The following FHIT variants were observed in gnomAD, a reference collection of about 807,000 sequenced individuals.
FHIT encodes fragile histidine triad diadenosine triphosphatase.
In FHIT, 19 loss-of-function variants were observed where a neutral mutation model predicts 17.9. The ratio of observed to expected loss-of-function variants is 1.06; its 90% CI spans 0.74 to 1.56. The LOEUF is 1.56. Ranked by LOEUF, FHIT falls within the 40% of genes most tolerant of loss-of-function variation. FHIT has a pLI of 0.00. For synonymous variants in FHIT, 81 were observed against 69.7 expected, an observed-to-expected ratio of 1.16 and a Z score of -0.81; for missense variants, 248 against 189.2, an observed-to-expected ratio of 1.31 and a Z score of -1.82.
rs117183315 is a variant in FHIT at position 61,000,622 on chromosome 3, T to C, written c.-111+41425A>G. On this transcript the variant is annotated intron_variant, in intron 3 of 9. Transcript: ENST00000492590. The stretch of plus-strand genomic sequence containing the variant: ...TATTCAACGGGAAGTGATAAAGAAC[T>C]CTAAAACCTGGAAAAAAAAGGAGAT... 1.6e-3 allele frequency among the ~76,000 whole-genome samples: 240 copies of C among 152,216 alleles called. 2 individuals are homozygous for C. The East Asian group carries it at 0.02, about 13-fold the overall frequency.
At chr3:60,127,584 A>C (rs1349678196) in intron 5 of FHIT, among the ~76,000 whole-genome samples, 1 of 152,136 alleles carries the variant, frequency 6.6e-6, no homozygotes, top group East Asian at 1.9e-4. Flanking sequence ...TGCTTAAATA[A>C]GAACATTTTA....
At chr3:59,749,978 G>A (rs1178616904) in intron 9 of FHIT, 1 of 224,206 alleles carries the variant, frequency 4.5e-6, no homozygotes, top group Non-Finnish European at 8.9e-6. Flanking sequence ...TGATTTGTTT[G>A]GTCTGTGCAC....
intron 5 of FHIT, among the ~76,000 whole-genome samples, chr3:60,115,580 G>C (rs1168664901): frequency 6.6e-6 from 1 of 152,070 alleles, no homozygotes; most frequent in Non-Finnish European, 1.5e-5. Flanking sequence ...TAGCGTTCTG[G>C]CAACTTATGC....
intron 4 of FHIT, among the ~76,000 whole-genome samples, chr3:60,627,150 T>C (rs1235267251): frequency 2.0e-5 from 3 of 152,138 alleles, no homozygotes; most frequent in Non-Finnish European, 4.4e-5. Flanking sequence ...TTTCCTTGCA[T>C]TGTGATGTCT....
At chr3:60,053,762 T>G (rs3845974) in intron 5 of FHIT, among the ~76,000 whole-genome samples, 1 of 151,972 alleles carries the variant, frequency 6.6e-6, no homozygotes, top group African/African-American at 2.4e-5. Flanking sequence ...CCTCTCCATT[T>G]CTTACTACTT....
At chr3:59,903,660 TA>T (rs1704441483) in intron 8 of FHIT, among the ~76,000 whole-genome samples, 1 of 151,682 alleles carries the variant, frequency 6.6e-6, no homozygotes, top group Non-Finnish European at 1.5e-5. Context: ...TAGCCTGGAG[TA>T]GTTAGAAAAG....
intron 7 of FHIT, among the ~76,000 whole-genome samples, chr3:59,971,143 G>A (rs772931099): frequency 6.6e-6 from 1 of 152,062 alleles, no homozygotes; most frequent in Non-Finnish European, 1.5e-5. Context: ...CTCTCAGAAT[G>A]ATTCTGTGGC....
Position 61,242,099 on chromosome 3 carries a change from TATAAGGGTTTA to T in FHIT, c.-213+9191_-213+9201del, listed in dbSNP as rs1560105912. On this transcript the variant is annotated intron_variant, in intron 1 of 9. Transcript: ENST00000492590. Reference sequence around the variant, plus strand: ...ACCAAGAATGTTCCTGGACCGTTGATATAAGGGTTTAAATATAAATATAAATACTCAAATAT... The same window carrying T: ...ACCAAGAATGTTCCTGGACCGTTGATAATATAAATATAAATACTCAAATAT... Among the ~76,000 whole-genome samples, 7 of 152,284 alleles carry T rather than the reference TATAAGGGTTTA, an allele frequency of 4.6e-5. No homozygotes were observed. In the East Asian group the frequency reaches 1.4e-3, roughly 29 times the overall value.
intron 5 of FHIT, among the ~76,000 whole-genome samples, chr3:60,155,495 C>T (rs1300253473): frequency 1.3e-5 from 2 of 152,182 alleles, no homozygotes; most frequent in East Asian, 3.9e-4. Flanking sequence ...CCAATTCTGA[C>T]AATAACACTG....
chr3:60,593,091 A>G (rs1307799993), intron 4 of FHIT, among the ~76,000 whole-genome samples: 1 of 152,098 alleles, frequency 6.6e-6, no homozygotes, highest in Non-Finnish European at 1.5e-5. Context: ...ATCTAGGGGG[A>G]AAATGTGGGC....
intron 5 of FHIT, among the ~76,000 whole-genome samples, chr3:60,170,407 C>G (rs1321441881): frequency 6.6e-6 from 1 of 152,180 alleles, no homozygotes; most frequent in Non-Finnish European, 1.5e-5. Context: ...CTCCTGTTGG[C>G]TGAAGTTACT....
chr3:59,965,013 G>A (rs1707856699), intron 7 of FHIT, among the ~76,000 whole-genome samples: 1 of 152,040 alleles, frequency 6.6e-6, no homozygotes, highest in African/African-American at 2.4e-5. Flanking sequence ...GGAAAATCAT[G>A]TTCATAGGAA....
At chr3:60,104,951 T>TTAC (rs1258508833) in intron 5 of FHIT, among the ~76,000 whole-genome samples, 2 of 152,134 alleles carry the variant, frequency 1.3e-5, no homozygotes, top group Non-Finnish European at 2.9e-5. Context: ...CTTGAAGCTC[T>TTAC]TACTGTCTTT....
At chr3:60,558,932 T>TA (rs1460034971) in intron 4 of FHIT, among the ~76,000 whole-genome samples, 9 of 152,302 alleles carry the variant, frequency 5.9e-5, no homozygotes, top group African/African-American at 2.2e-4. Flanking sequence ...GATGTGATAA[T>TA]ACGTGTATCT....
chr3:60,208,701 T>C (rs1345648149), intron 5 of FHIT, among the ~76,000 whole-genome samples: 1 of 152,222 alleles, frequency 6.6e-6, no homozygotes, highest in Admixed American at 6.5e-5. Flanking sequence ...AGTATAATTC[T>C]GTGTTTGCAG....
At position 60,299,822 on chromosome 3, in the gene FHIT, T is replaced by C. The variant is rs202108890; in HGVS notation, c.103+237038A>G. 7.2e-5 allele frequency among the ~76,000 whole-genome samples: 11 copies of C among 152,226 alleles called. No homozygotes were observed. In the East Asian group the frequency reaches 1.2e-3, roughly 16 times the overall value. The stretch of plus-strand genomic sequence containing the variant: ...GTAGTTTTGGCTCCCACTTGGCCTT[T>C]GCTGTTGGAGGTAGGAGTAGGTAGG... On this transcript the variant is annotated intron_variant, in intron 5 of 9. Transcript: ENST00000492590.
At chr3:60,728,704 T>TACACACACAC (rs56012549) in intron 4 of FHIT, among the ~76,000 whole-genome samples, 96 of 147,400 alleles carry the variant, frequency 6.5e-4, no homozygotes, top group African/African-American at 2.3e-3. Flanking sequence ...CACACACACA[T>TACACACACAC]ACACACACAC....
rs115004637 is a variant in FHIT at position 60,019,105 on chromosome 3, G to A, written c.104-4953C>T. On this transcript the variant is annotated intron_variant, in intron 5 of 9. Transcript: ENST00000492590. Reference sequence around the variant, plus strand: ...ACTGCTTTCAGATGGAAGGTAGGCTGGAGTCTGGGCTCAGCTGCATCCACT... The same window carrying A: ...ACTGCTTTCAGATGGAAGGTAGGCTAGAGTCTGGGCTCAGCTGCATCCACT... Among the ~76,000 whole-genome samples the A allele has an allele frequency of 7.1e-3, 1,085 of 152,286 alleles. 14 individuals are homozygous for A. The highest frequency in any genetic ancestry group is 0.024 in the African/African-American group (1,011 of 41,550).
At chr3:60,777,119 CT>C (rs1344013765) in intron 4 of FHIT, among the ~76,000 whole-genome samples, 1 of 152,124 alleles carries the variant, frequency 6.6e-6, no homozygotes, top group Non-Finnish European at 1.5e-5. Context: ...AAATAAATAA[CT>C]TTTGGTAATG....
Sources: allele counts gnomAD v4.1 joint callset (sites outside exome capture counted in the v4.1 genomes callset), GRCh38; gene constraint gnomAD v4.1.1; transcripts MANE v1.5; gene names NCBI Gene and HGNC (gene_info 2026-07-23, HGNC 2026-07-21).